Variants in WIPI1 observed in about 807,000 individuals in gnomAD.
The protein encoded by WIPI1 is WD repeat domain phosphoinositide-interacting protein 1.
A neutral mutation model predicts 55.3 loss-of-function variants in WIPI1; 45 were observed. The ratio of observed to expected loss-of-function variants is 0.81; its 90% CI spans 0.64 to 1.04. The LOEUF (loss-of-function observed/expected upper bound fraction) is 1.04. Among genes scored for constraint, WIPI1 ranks in the 50% least tolerant of loss-of-function variants. The pLI, the probability that WIPI1 is intolerant of heterozygous loss-of-function variation, is 0.00. For missense variants in WIPI1, 445 were observed against 559.0 expected (o/e 0.80, Z 2.06); for synonymous variants, 195 against 217.6 (o/e 0.90, Z 0.92).
At chr17:68,450,545 C>T (rs868293586) in intron 3 of WIPI1, among the ~76,000 whole-genome samples, 183 bp downstream of exon 3, 3 of 152,208 alleles carry the variant, frequency 2.0e-5, no homozygotes, top group African/African-American at 2.4e-5. Flanking sequence ...GGGAAAACAA[C>T]GTTACAACCA....
rs2084255166 is a variant in WIPI1, at chr17:68,445,683, AG to A, written c.334-1095del. ...TCTCAGCTAAGTGAAAACAGGCCACAGGGTTGATGTATCGGGTGTTTAAAGG... is the reference window on the plus strand; with the variant it reads ...TCTCAGCTAAGTGAAAACAGGCCACAGGTTGATGTATCGGGTGTTTAAAGG... On this transcript the variant is annotated intron_variant, in intron 3 of 12. Coordinates refer to ENST00000262139, the MANE Select transcript of WIPI1 (RefSeq NM_017983.7). 2.6e-5 allele frequency among the ~76,000 whole-genome samples: 4 copies of A among 152,214 alleles called. No individual in the cohort carries two copies. The South Asian group carries it at 8.3e-4, about 32-fold the overall frequency.
intron 8 of WIPI1, among the ~76,000 whole-genome samples, chr17:68,431,185 A>G (rs1325472353): frequency 1.3e-5 from 2 of 152,208 alleles, no homozygotes; most frequent in Admixed American, 6.5e-5. Context: ...CCACGTGAGC[A>G]GTTAATATGC....
chr17:68,434,317 CCA>C (rs778438337), intron 7 of WIPI1, among the ~76,000 whole-genome samples: 4 of 152,258 alleles, frequency 2.6e-5, no homozygotes, highest in Non-Finnish European at 4.4e-5. Flanking sequence ...TGCCGGCCGC[CCA>C]CACACACATC....
intron 4 of WIPI1, among the ~76,000 whole-genome samples, chr17:68,437,010 A>ATG (rs758693659): frequency 1.3e-4 from 10 of 77,908 alleles, no homozygotes; most frequent in South Asian, 6.5e-4. Flanking sequence ...AAAAAAATAT[A>ATG]TATATATGTG....
chr17:68,425,382 CTTTT>C (rs112331284), intron 12 of WIPI1, among the ~76,000 whole-genome samples: 57 of 132,252 alleles, frequency 4.3e-4, no homozygotes, highest in Middle Eastern at 3.8e-3. Context: ...TTTTTCTTTT[CTTTT>C]TTTTTTTTTT....
At chr17:68,433,005 G>C (rs946447446) in intron 8 of WIPI1, among the ~76,000 whole-genome samples, 2 of 152,156 alleles carry the variant, frequency 1.3e-5, no homozygotes, top group African/African-American at 2.4e-5. Context: ...TAAGCCCTGA[G>C]AAATTGCAGG....
rs1462738177 is a variant in WIPI1 at position 68,421,629 on chromosome 17, G to C, written c.*144C>G. The C allele has an allele frequency of 2.6e-6, 3 of 1,155,872 alleles. No individual in the cohort carries two copies. The highest frequency in any genetic ancestry group is 1.5e-5 in the African/African-American group (1 of 66,070). 71.6% of individuals were successfully genotyped at this position (1,155,872 alleles called of 1,614,324 possible). On this transcript the variant is annotated 3_prime_UTR_variant, in exon 13 of 13. Coordinates refer to ENST00000262139, the MANE Select transcript of WIPI1 (RefSeq NM_017983.7). ...GGGAAGCTTGGTGAGGAGTTAACCA[G>C]GTCCTGTGGTTTAAGCAGTGGAGCA... is the stretch of plus-strand genomic sequence containing the variant.
chr17:68,440,078 AC>A (rs912548759), intron 4 of WIPI1, among the ~76,000 whole-genome samples: 2 of 152,218 alleles, frequency 1.3e-5, no homozygotes, highest in Non-Finnish European at 2.9e-5. Context: ...CTAGATGCTA[AC>A]AAGAAAGGGA....
intron 4 of WIPI1, among the ~76,000 whole-genome samples, chr17:68,437,956 A>T (rs1425661472): frequency 3.0e-4 from 23 of 75,712 alleles, no homozygotes; most frequent in African/African-American, 1.1e-3. Context: ...CTTAAAAAAA[A>T]AAAAAAAAAA....
At chr17:68,436,908 C>T (rs111601860) in intron 4 of WIPI1, among the ~76,000 whole-genome samples, 4 of 151,740 alleles carry the variant, frequency 2.6e-5, no homozygotes, top group African/African-American at 9.7e-5. Flanking sequence ...GCAGGAGAAT[C>T]GCTTGAACCC....
rs189042108 is a variant in WIPI1, at chr17:68,436,628, T to G, written c.431-149A>C. 3.3e-3 allele frequency: 2,189 copies of G among 671,858 alleles called. 8 individuals carry two copies. Among genetic ancestry groups the G allele is most frequent in the Admixed American group, 9.0e-3 (312 of 34,616 alleles). 41.6% of individuals were successfully genotyped at this position (671,858 alleles called of 1,614,324 possible). On this transcript the variant is annotated intron_variant, in intron 4 of 12. Transcript: ENST00000262139. ...CAGACAACTGCTTTCCGCTGATGAT[T>G]CTTCTGATTAAGGCTTCCAATAAAG...
rs537812262 is a variant in WIPI1, at chr17:68,428,883, A to G, written c.1019T>C (p.Met340Thr). Residue 340 changes from methionine to threonine, a missense_variant, in exon 10 of 13, where the codon ATG (methionine) becomes ACG (threonine). Coordinates refer to ENST00000262139, the MANE Select transcript of WIPI1 (RefSeq NM_017983.7). ...LVASSSGHLY[M>T]YNLDPQDGGE... ...TCCATCCTGAGGATCCAAATTGTAC[A>G]TATAAAGGTGTCCACTGGATGACGC... is the stretch of plus-strand genomic sequence containing the variant. 1 of 1,614,208 alleles carries G rather than the reference A, an allele frequency of 6.2e-7. No homozygotes were observed. The highest frequency in any genetic ancestry group is 1.3e-5 in the African/African-American group (1 of 75,066).
At chr17:68,426,039 G>A in intron 12 of WIPI1, 36 bp downstream of exon 12, 1 of 1,581,464 alleles carries the variant, frequency 6.3e-7, no homozygotes. Flanking sequence ...TAAGCACACA[G>A]ACTGAGCCGC....
rs2084201902 is a variant in WIPI1 at position 68,444,417 on chromosome 17, G to A, written c.430+76C>T. 3.6e-6 allele frequency: 5 copies of A among 1,375,878 alleles called. No homozygotes were observed. The South Asian group carries it at 6.2e-5, about 17-fold the overall frequency. The allele number at this position is 1,375,878 out of a possible 1,614,324, so 85.2% of individuals were successfully genotyped here. ...AAACACTGCTTCACGTTCGCAATTT[G>A]GAGGAAAATAAAGCTTGGGAAAGAA... On this transcript the variant is annotated intron_variant, in intron 4 of 12. Coordinates refer to ENST00000262139, the MANE Select transcript of WIPI1 (RefSeq NM_017983.7).
At chr17:68,431,962 CG>C (rs1568631085) in intron 8 of WIPI1, among the ~76,000 whole-genome samples, 1 of 152,124 alleles carries the variant, frequency 6.6e-6, no homozygotes, top group African/African-American at 2.4e-5. Context: ...ACAGCTCAGC[CG>C]CCCTCTAGTG....
chr17:68,435,544 G>T, intron 6 of WIPI1, 76 bp downstream of exon 6: 1 of 1,443,202 alleles, frequency 6.9e-7, no homozygotes, highest in Non-Finnish European at 9.7e-7. Context: ...CACCAGGTTT[G>T]TTCAATCCCA....
At chr17:68,432,728 A>G (rs1225330760) in intron 8 of WIPI1, among the ~76,000 whole-genome samples, 2 of 152,154 alleles carry the variant, frequency 1.3e-5, no homozygotes, top group African/African-American at 4.8e-5. Context: ...CAGATACAGT[A>G]GGCTTTCTGT....
intron 6 of WIPI1, among the ~76,000 whole-genome samples, chr17:68,435,031 AC>A (rs2083714232): frequency 6.6e-6 from 1 of 151,930 alleles, no homozygotes; most frequent in Non-Finnish European, 1.5e-5. Flanking sequence ...GTGAAGTGAA[AC>A]CCCGTCTCCA....
At chr17:68,442,993 C>A (rs1266676193) in intron 4 of WIPI1, among the ~76,000 whole-genome samples, 1 of 152,252 alleles carries the variant, frequency 6.6e-6, no homozygotes. Context: ...AAACTTACCA[C>A]CCACAGCTTC....
Sources: allele counts gnomAD v4.1 joint callset (sites outside exome capture counted in the v4.1 genomes callset), GRCh38; gene constraint gnomAD v4.1.1; transcripts MANE v1.5; gene names NCBI Gene and HGNC (gene_info 2026-07-23, HGNC 2026-07-21).